The following TNRC6A variants were observed in gnomAD, a reference collection of about 807,000 sequenced individuals.
The protein encoded by TNRC6A is trinucleotide repeat containing adaptor 6A, also known as trinucleotide repeat-containing gene 6A protein.
A neutral mutation model predicts 221.2 loss-of-function variants in TNRC6A; 44 were observed. The ratio of observed to expected loss-of-function variants is 0.20; its 90% CI spans 0.16 to 0.26. The LOEUF (loss-of-function observed/expected upper bound fraction) is 0.26, where lower values mean the gene tolerates loss of function less well. TNRC6A is among the 10% of genes least tolerant of loss of function. The pLI is 1.00. For missense variants in TNRC6A, 2,199 were observed against 2,404.4 expected, an observed-to-expected ratio of 0.91 and a Z score of 1.79; for synonymous variants, 847 against 838.5, an observed-to-expected ratio of 1.01 and a Z score of -0.18.
chr16:24,730,155 C>A, intron 1 of TNRC6A, 98 bp from the exon 2 acceptor site: 1 of 1,286,080 alleles, frequency 7.8e-7, no homozygotes, highest in Non-Finnish European at 1.0e-6. Flanking sequence ...CCATCCGGCC[C>A]CGGCGCGAGC....
At chr16:24,737,893 T>C (rs1003935761) in intron 2 of TNRC6A, among the ~76,000 whole-genome samples, 2 of 152,232 alleles carry the variant, frequency 1.3e-5, no homozygotes, top group African/African-American at 4.8e-5. Flanking sequence ...TGTGCTGATT[T>C]TAAATGTCCT....
chr16:24,767,394 A>T (rs1351480573), intron 4 of TNRC6A, among the ~76,000 whole-genome samples: 1 of 152,172 alleles, frequency 6.6e-6, no homozygotes, highest in East Asian at 1.9e-4. Context: ...GGGAAAGTCG[A>T]GGTGAGGAGG....
intron 8 of TNRC6A, among the ~76,000 whole-genome samples, chr16:24,795,352 A>G (rs189292937): frequency 5.9e-5 from 9 of 152,268 alleles, no homozygotes; most frequent in Admixed American, 4.6e-4. Context: ...AAACTCCTCA[A>G]ATGTCTCTGA....
chr16:24,778,277 T>C lies in TNRC6A; in HGVS notation c.589+919T>C, dbSNP rs113275219. 48 of 985,158 alleles carry C rather than the reference T, an allele frequency of 4.9e-5. 1 individual carries two copies. The highest frequency in any genetic ancestry group is 4.2e-4 in the African/African-American group (24 of 57,370). The allele number at this position is 985,158 out of a possible 1,614,324, so 61.0% of individuals were successfully genotyped here. On this transcript the variant is annotated intron_variant, in intron 5 of 24. Transcript: ENST00000395799. ...GTGCCAGGTAGTTACTCACTTTCTATACCTGTGCTCTCTTTTATATACCAA... is the reference window on the plus strand; with the variant it reads ...GTGCCAGGTAGTTACTCACTTTCTACACCTGTGCTCTCTTTTATATACCAA...
chr16:24,717,786 T>A (rs1315186667), intron 2 of TNRC6A, among the ~76,000 whole-genome samples: 1 of 149,474 alleles, frequency 6.7e-6, no homozygotes, highest in Non-Finnish European at 1.5e-5. Flanking sequence ...TTTTTTTTTT[T>A]TTTGAGAAGG....
At chr16:24,643,708 A>G (rs961719025) in intron 2 of TNRC6A, among the ~76,000 whole-genome samples, 1 of 148,176 alleles carries the variant, frequency 6.7e-6, no homozygotes, top group Non-Finnish European at 1.5e-5. Flanking sequence ...CCCTTCCACC[A>G]CCCCTCCCCG....
intron 4 of TNRC6A, among the ~76,000 whole-genome samples, chr16:24,768,918 G>A (rs1207221218): frequency 6.6e-6 from 1 of 152,196 alleles, no homozygotes; most frequent in African/African-American, 2.4e-5. Context: ...ATTGGTAGAT[G>A]ATTGTTGGCT....
intron 23 of TNRC6A, 45 bp downstream of exon 23, chr16:24,822,192 C>G (rs1202414583): frequency 6.3e-7 from 1 of 1,591,494 alleles, no homozygotes; most frequent in Non-Finnish European, 8.6e-7. Flanking sequence ...CGCCAGGGAG[C>G]ATGGGAACAG....
intron 1 of TNRC6A, among the ~76,000 whole-genome samples, chr16:24,632,001 G>A (rs1178092291): frequency 6.6e-6 from 1 of 151,826 alleles, no homozygotes; most frequent in African/African-American, 2.4e-5. Flanking sequence ...TGGAACCACA[G>A]GTGTGCACCA....
intron 2 of TNRC6A, among the ~76,000 whole-genome samples, chr16:24,688,969 C>T (rs1156953194): frequency 2.0e-5 from 3 of 152,106 alleles, no homozygotes; most frequent in Non-Finnish European, 2.9e-5. Context: ...GGGAGGCCGA[C>T]GCGGGAGGAT....
upstream of TNRC6A, among the ~76,000 whole-genome samples, chr16:24,725,472 C>T (rs530556452): frequency 2.6e-5 from 4 of 152,132 alleles, no homozygotes; most frequent in East Asian, 3.9e-4. Context: ...TGTTTCCCTC[C>T]GCACTGATAA....
At chr16:24,676,969 T>C (rs1371079068) in intron 2 of TNRC6A, among the ~76,000 whole-genome samples, 2 of 152,096 alleles carry the variant, frequency 1.3e-5, no homozygotes, top group African/African-American at 4.8e-5. Context: ...CTTTCACTGG[T>C]ATGGCTTTAA....
chr16:24,695,848 C>G (rs1291740887), intron 2 of TNRC6A, among the ~76,000 whole-genome samples: 1 of 152,178 alleles, frequency 6.6e-6, no homozygotes, highest in Admixed American at 6.5e-5. Flanking sequence ...ATCCCTGAAC[C>G]AATCACTGGT....
At position 24,776,959 on chromosome 16, in the gene TNRC6A, A is replaced by G; in HGVS notation, c.190A>G (p.Ser64Gly). ...KVPEQIKPSV[S>G]QPQPANSNNG... ...GCCAGAACAGATAAAGCCCAGTGTA[A>G]GCCAGCCTCAGCCTGCCAACTCTAA... Residue 64 changes from serine (S) to glycine (G), a missense_variant, in exon 5 of 25, where the codon AGC becomes GGC. Coordinates refer to ENST00000395799, the MANE Select transcript of TNRC6A (RefSeq NM_014494.4). 1 of 1,614,006 alleles carries G rather than the reference A, an allele frequency of 6.2e-7. No individual in the cohort carries two copies. The highest frequency in any genetic ancestry group is 1.1e-5 in the South Asian group (1 of 91,070).
intron 2 of TNRC6A, among the ~76,000 whole-genome samples, chr16:24,690,965 G>T (rs2055743615): frequency 6.6e-6 from 1 of 151,832 alleles, no homozygotes; most frequent in Admixed American, 6.6e-5. Flanking sequence ...CCGCCACCAC[G>T]CCCGGCTAAT....
intron 2 of TNRC6A, among the ~76,000 whole-genome samples, chr16:24,690,102 T>G (rs949165363): frequency 6.7e-6 from 1 of 148,894 alleles, no homozygotes; most frequent in Non-Finnish European, 1.5e-5. Flanking sequence ...CTCAAACTCC[T>G]GGGCTCAAAC....
chr16:24,654,072 T>C (rs557392579), intron 2 of TNRC6A, among the ~76,000 whole-genome samples: 2 of 152,112 alleles, frequency 1.3e-5, no homozygotes, highest in Admixed American at 6.6e-5. Flanking sequence ...CCCAGCTAAT[T>C]TTTTAATGTT....
chr16:24,665,183 C>T (rs1160640015), intron 2 of TNRC6A, among the ~76,000 whole-genome samples: 1 of 152,142 alleles, frequency 6.6e-6, no homozygotes, highest in East Asian at 1.9e-4. Context: ...CATCCTCCCA[C>T]CTCAGCCTCT....
intron 4 of TNRC6A, among the ~76,000 whole-genome samples, chr16:24,760,565 A>G (rs2151512381): frequency 6.6e-6 from 1 of 152,066 alleles, no homozygotes; most frequent in African/African-American, 2.4e-5. Context: ...TCTCTTCATA[A>G]TTGTTCCCAT....
Sources: allele counts gnomAD v4.1 joint callset (sites outside exome capture counted in the v4.1 genomes callset), GRCh38; gene constraint gnomAD v4.1.1; transcripts MANE v1.5; gene names NCBI Gene and HGNC (gene_info 2026-07-23, HGNC 2026-07-21).